The following OSBPL8 variants were observed in gnomAD, a reference collection of about 807,000 sequenced individuals.
OSBPL8 encodes oxysterol binding protein like 8, also known as oxysterol-binding protein-related protein 8.
OSBPL8 carries 59 observed loss-of-function variants against 125.5 expected under a neutral mutation model. The observed-to-expected ratio is 0.47, with a 90% confidence interval of 0.38 to 0.58. The LOEUF (loss-of-function observed/expected upper bound fraction) is 0.58. OSBPL8 is among the 20% of genes least tolerant of loss of function. The pLI, the probability that OSBPL8 is intolerant of heterozygous loss-of-function variation, is 0.00. For synonymous variants in OSBPL8, 330 were observed against 338.9 expected (o/e 0.97, Z 0.29); for missense variants, 758 against 1,047.8 (o/e 0.72, Z 3.82).
At chr12:76,478,143 A>G (rs2136962701) in intron 2 of OSBPL8, among the ~76,000 whole-genome samples, 1 of 152,196 alleles carries the variant, frequency 6.6e-6, no homozygotes, top group South Asian at 2.1e-4. Context: ...CAGAGGCTTC[A>G]GTGAGCTGAG....
chr12:76,439,539 G>A (rs1871924641), intron 4 of OSBPL8, among the ~76,000 whole-genome samples: 1 of 152,048 alleles, frequency 6.6e-6, no homozygotes, highest in Non-Finnish European at 1.5e-5. Context: ...GGGGGAGAGT[G>A]TTTTTATAAT....
Position 76,369,804 on chromosome 12 carries a change from A to G in OSBPL8, c.2073T>C (p.Thr691=). 6.2e-7 allele frequency: 1 copy of G among 1,613,076 alleles called. No homozygotes were observed. Among genetic ancestry groups the G allele is most frequent in the Non-Finnish European group, 8.5e-7 (1 of 1,179,510 alleles). Residue 691 remains threonine (T), a synonymous_variant, in exon 20 of 24, where the codon ACT becomes ACC. Transcript: ENST00000261183. ...TTTGGTCTTTGGCATTTATGGCTCG[A>G]GTTACCCGTTGCCAGAGTCTAATAC... ...FESEKLWQRV[T]RAINAKDQTE...
intron 15 of OSBPL8, among the ~76,000 whole-genome samples, chr12:76,381,528 A>C (rs2136244678): frequency 6.6e-6 from 1 of 152,222 alleles, no homozygotes; most frequent in East Asian, 1.9e-4. Flanking sequence ...TGCTTCATTG[A>C]AGTTCTGTGA....
intron 4 of OSBPL8, among the ~76,000 whole-genome samples, chr12:76,431,531 G>T (rs1181075121): frequency 6.6e-6 from 1 of 152,090 alleles, no homozygotes; most frequent in Non-Finnish European, 1.5e-5. Flanking sequence ...AATCAATTTA[G>T]ATTTTAAAAT....
At chr12:76,382,625 G>A (rs1232111997) in intron 15 of OSBPL8, among the ~76,000 whole-genome samples, 1 of 152,226 alleles carries the variant, frequency 6.6e-6, no homozygotes, top group Admixed American at 6.5e-5. Flanking sequence ...GCTCACGCCT[G>A]TAACCCCAGC....
chr12:76,438,342 G>A (rs563707403), intron 4 of OSBPL8, among the ~76,000 whole-genome samples: 6 of 147,486 alleles, frequency 4.1e-5, no homozygotes, highest in Non-Finnish European at 8.9e-5. Flanking sequence ...TCACTCTGTC[G>A]CTCACGCTGG....
At chr12:76,371,749 C>A (rs907155909) in intron 18 of OSBPL8, 165 bp from the exon 19 acceptor site, 23 of 573,754 alleles carry the variant, frequency 4.0e-5, no homozygotes, top group Non-Finnish European at 5.7e-5. Flanking sequence ...AGTTTCTTAT[C>A]ATTTTTATAA....
At position 76,353,088 on chromosome 12, in the gene OSBPL8, A is replaced by G. The variant is rs115510313; in HGVS notation, c.*2801T>C. 0.013 allele frequency: 1,969 copies of G among 152,568 alleles called. 21 individuals carry two copies. Among genetic ancestry groups the G allele is most frequent in the Middle Eastern group, 0.037 (11 of 294 alleles). 9.5% of individuals were successfully genotyped at this position (152,568 alleles called of 1,614,324 possible). A position where few individuals can be genotyped will look rare whatever the true frequency, so the allele number is the denominator to read the frequency against. On this transcript the variant is annotated 3_prime_UTR_variant, in exon 24 of 24. Coordinates refer to ENST00000261183, the MANE Select transcript of OSBPL8 (RefSeq NM_020841.5). The stretch of plus-strand genomic sequence containing the variant: ...TCTGTAACACAAAAAATGACAAAAA[A>G]TATTTTCTTAAAGGCACAAAAGCAT...
At chr12:76,546,376 A>G (rs970506864) in intron 1 of OSBPL8, among the ~76,000 whole-genome samples, 3 of 152,118 alleles carry the variant, frequency 2.0e-5, no homozygotes, top group Admixed American at 1.3e-4. Context: ...ATGACAGGGT[A>G]TTTTTTTAAA....
At chr12:76,442,620 G>A (rs1290197911) in intron 4 of OSBPL8, among the ~76,000 whole-genome samples, 1 of 151,992 alleles carries the variant, frequency 6.6e-6, no homozygotes, top group Non-Finnish European at 1.5e-5. Flanking sequence ...ATAATGGAGG[G>A]GTGGGTCTAA....
intron 5 of OSBPL8, among the ~76,000 whole-genome samples, chr12:76,408,678 T>C (rs1245851515): frequency 3.3e-5 from 5 of 152,054 alleles, no homozygotes; most frequent in African/African-American, 1.2e-4. Context: ...GTGTGACTAG[T>C]ATAACTGAGG....
chr12:76,392,212 A>T (rs1185050310), intron 10 of OSBPL8, among the ~76,000 whole-genome samples: 1 of 152,236 alleles, frequency 6.6e-6, no homozygotes, highest in Non-Finnish European at 1.5e-5. Context: ...TCTCATAGTT[A>T]TAAGGTTTCA....
At chr12:76,431,704 A>G (rs1342744726) in intron 4 of OSBPL8, among the ~76,000 whole-genome samples, 1 of 152,192 alleles carries the variant, frequency 6.6e-6, no homozygotes, top group Non-Finnish European at 1.5e-5. Flanking sequence ...AGACAGAACA[A>G]CTACACATAT....
intron 21 of OSBPL8, among the ~76,000 whole-genome samples, chr12:76,363,373 G>T (rs1410717024): frequency 1.3e-5 from 2 of 152,172 alleles, no homozygotes; most frequent in African/African-American, 4.8e-5. Flanking sequence ...ACAACCATCT[G>T]ATCTTGGACA....
chr12:76,422,941 C>T (rs1171915033), intron 4 of OSBPL8: 1 of 184,438 alleles, frequency 5.4e-6, no homozygotes, highest in African/African-American at 2.3e-5. Context: ...TATCAAACCA[C>T]CCTGCACTGA....
chr12:76,432,536 A>T (rs1043139460), intron 4 of OSBPL8, among the ~76,000 whole-genome samples: 1 of 152,158 alleles, frequency 6.6e-6, no homozygotes, highest in Non-Finnish European at 1.5e-5. Flanking sequence ...AGACATGATC[A>T]TGCCACTGCA....
chr12:76,469,319 G>A (rs1875837232), intron 2 of OSBPL8, among the ~76,000 whole-genome samples: 1 of 152,114 alleles, frequency 6.6e-6, no homozygotes, highest in African/African-American at 2.4e-5. Flanking sequence ...TATAAAGCAT[G>A]ACATCCTTGA....
chr12:76,525,854 T>C (rs1950157040), intron 1 of OSBPL8, among the ~76,000 whole-genome samples: 1 of 152,252 alleles, frequency 6.6e-6, no homozygotes, highest in African/African-American at 2.4e-5. Flanking sequence ...TTCAATTATG[T>C]AAAATATTAA....
chr12:76,400,192 G>T (rs1415833100), intron 6 of OSBPL8, among the ~76,000 whole-genome samples: 1 of 152,108 alleles, frequency 6.6e-6, no homozygotes, highest in Non-Finnish European at 1.5e-5. Context: ...AGGCTCCAGT[G>T]TGTGTTGTGT....
Sources: gnomAD v4.1 joint callset for allele counts (sites outside exome capture counted in the v4.1 genomes callset) on GRCh38, gnomAD v4.1.1 for gene constraint, MANE v1.5 for transcripts, NCBI Gene and HGNC (gene_info 2026-07-23, HGNC 2026-07-21) for gene names.